The following GRIA3 variants were observed in gnomAD, a reference collection of about 807,000 sequenced individuals.
GRIA3 encodes glutamate ionotropic receptor AMPA type subunit 3.
Under a neutral mutation model 63.0 loss-of-function variants are expected in GRIA3, and 3 were observed. The ratio of observed to expected loss-of-function variants is 0.05; its 90% CI spans 0.02 to 0.12. The LOEUF is 0.12. GRIA3 is among the 10% of genes least tolerant of loss of function. GRIA3 has a pLI of 1.00. For synonymous variants in GRIA3, 274 were observed against 257.9 expected (o/e 1.06, Z -0.60); for missense variants, 347 against 700.9 (o/e 0.50, Z 5.70).
chrX:123,392,903 G>A (rs1022645602), intron 5 of GRIA3, among the ~76,000 whole-genome samples: 3 of 111,807 alleles, frequency 2.7e-5, no homozygotes, highest in African/African-American at 6.5e-5. Flanking sequence ...TGAGAATGGA[G>A]AGTTGGGTAA....
chrX:123,404,875 T>G lies in GRIA3; in HGVS notation c.1461T>G (p.Thr487=), dbSNP rs746416886. The change falls in exon 10 of 16, where the codon ACT becomes ACG. Residue 487 remains threonine (T), a synonymous_variant. Coordinates refer to ENST00000620443, the MANE Select transcript of GRIA3 (RefSeq NM_007325.5). ...AATATGGTGCAAGGGATCCAGAGAC[T>G]AAAATATGGAACGGCATGGTTGGGG... ...DGKYGARDPE[T]KIWNGMVGEL... The G allele has an allele frequency of 5.8e-6, 7 of 1,207,181 alleles. No individual in the cohort carries two copies. In the Admixed American group the frequency reaches 1.5e-4, roughly 26 times the overall value.
chrX:123,427,409 G>T (rs2045595395), intron 11 of GRIA3, among the ~76,000 whole-genome samples: 1 of 111,488 alleles, frequency 9.0e-6, no homozygotes, highest in Non-Finnish European at 1.9e-5. Context: ...AAGATCCTAG[G>T]TGATTTTAAT....
chrX:123,267,517 T>C (rs1358490767), intron 3 of GRIA3, among the ~76,000 whole-genome samples: 1 of 111,963 alleles, frequency 8.9e-6, no homozygotes, highest in Non-Finnish European at 1.9e-5. Flanking sequence ...TATAAATCAA[T>C]GGTATTTAGA....
At chrX:123,412,117 C>T (rs1024994761) in intron 10 of GRIA3, among the ~76,000 whole-genome samples, 2 of 112,034 alleles carry the variant, frequency 1.8e-5, no homozygotes, top group African/African-American at 6.5e-5. Flanking sequence ...GTGTGGGCCT[C>T]CTCAATCTTT....
intron 5 of GRIA3, among the ~76,000 whole-genome samples, chrX:123,381,102 C>T (rs985511857): frequency 9.0e-6 from 1 of 111,679 alleles, no homozygotes; most frequent in African/African-American, 3.3e-5. Context: ...AACTTCCATC[C>T]ATCTATCTAT....
chrX:123,334,983 T>G (rs2044965268), intron 4 of GRIA3, among the ~76,000 whole-genome samples: 1 of 109,546 alleles, frequency 9.1e-6, no homozygotes, highest in African/African-American at 3.3e-5. Context: ...GAAAAGGACA[T>G]GTCTTCCCTG....
chrX:123,246,447 T>A (rs1285298119), intron 2 of GRIA3, among the ~76,000 whole-genome samples: 1 of 111,645 alleles, frequency 9.0e-6, no homozygotes, highest in Non-Finnish European at 1.9e-5. Context: ...CCATATTTCT[T>A]GGCTTGTGGC....
At chrX:123,381,342 A>T (rs769011457) in intron 5 of GRIA3, among the ~76,000 whole-genome samples, 1 of 111,679 alleles carries the variant, frequency 9.0e-6, no homozygotes, top group South Asian at 3.8e-4. Context: ...CCTAACCTCC[A>T]TCTTCCTACC....
At chrX:123,380,999 GA>G (rs2045321164) in intron 5 of GRIA3, among the ~76,000 whole-genome samples, 1 of 111,087 alleles carries the variant, frequency 9.0e-6, no homozygotes, top group African/African-American at 3.3e-5. Flanking sequence ...TGTTTTAGAA[GA>G]AAAAAAGTTC....
At chrX:123,479,756 G>T (rs1227005710) in intron 13 of GRIA3, among the ~76,000 whole-genome samples, 2 of 112,064 alleles carry the variant, frequency 1.8e-5, no homozygotes, top group East Asian at 5.6e-4. Context: ...TGCCGCCGAC[G>T]ATTGTCACCT....
intron 14 of GRIA3, among the ~76,000 whole-genome samples, chrX:123,480,796 T>C (rs1442584940): frequency 8.9e-6 from 1 of 111,856 alleles, no homozygotes; most frequent in African/African-American, 3.3e-5. Context: ...TGAATCTCTG[T>C]ACGTAATACT....
intron 9 of GRIA3, 54 bp from the exon 10 acceptor site, chrX:123,404,654 T>C (rs1337059921): frequency 1.1e-6 from 1 of 904,215 alleles, no homozygotes; most frequent in East Asian, 3.1e-5. Flanking sequence ...GCATTTATCT[T>C]CTCTTAGAAA....
chrX:123,362,969 T>C (rs2045186612), intron 5 of GRIA3, among the ~76,000 whole-genome samples: 1 of 112,650 alleles, frequency 8.9e-6, no homozygotes, highest in Non-Finnish European at 1.9e-5. Flanking sequence ...TGTAATCAAG[T>C]ACTAATTTAT....
intron 3 of GRIA3, among the ~76,000 whole-genome samples, chrX:123,293,662 G>A (rs2044668891): frequency 9.1e-6 from 1 of 110,404 alleles, no homozygotes; most frequent in South Asian, 3.8e-4. Context: ...GTTGAGGGTA[G>A]AAGCAAAACG....
chrX:123,484,892 AT>A (rs2147448883), intron 15 of GRIA3, among the ~76,000 whole-genome samples: 1 of 112,663 alleles, frequency 8.9e-6, no homozygotes, highest in Non-Finnish European at 1.9e-5. Flanking sequence ...GGAAAACATA[AT>A]TTTGTCCAGT....
chrX:123,412,794 G>A (rs1238498563), intron 10 of GRIA3, among the ~76,000 whole-genome samples: 4 of 111,003 alleles, frequency 3.6e-5, no homozygotes, highest in Non-Finnish European at 7.5e-5. Flanking sequence ...TCTCCTTTTG[G>A]AGTCAGGTCT....
In GRIA3 at chrX:123,403,071, T is replaced by C. The variant is rs142692007; in HGVS notation, c.1158T>C (p.Tyr386=). Residue 386 remains tyrosine, a synonymous_variant, in exon 8 of 16, where the codon TAT becomes TAC. Coordinates refer to ENST00000620443, the MANE Select transcript of GRIA3 (RefSeq NM_007325.5). Reference sequence around the variant, plus strand: ...GGACAAATTATACCATCGATGTGTATGAAATGAAAGTCAGTGGCTCTCGAA... The same window carrying C: ...GGACAAATTATACCATCGATGTGTACGAAATGAAAGTCAGTGGCTCTCGAA... The part of the protein sequence containing the change: ...GRRTNYTIDV[Y]EMKVSGSRKA... 90 of 1,150,108 alleles carry C rather than the reference T, an allele frequency of 7.8e-5. No homozygotes were observed. Among genetic ancestry groups the C allele is most frequent in the Non-Finnish European group, 1.0e-4 (85 of 840,772 alleles). The allele number at this position is 1,150,108 out of a possible 1,213,427, so 94.8% of individuals were successfully genotyped here.
chrX:123,449,774 C>A (rs1259248432), intron 12 of GRIA3, among the ~76,000 whole-genome samples: 3 of 111,938 alleles, frequency 2.7e-5, no homozygotes, highest in African/African-American at 9.8e-5. Flanking sequence ...TGCCAAGCAT[C>A]TGTTGAGTTA....
intron 3 of GRIA3, among the ~76,000 whole-genome samples, chrX:123,274,517 C>T (rs576825783): frequency 1.8e-5 from 2 of 112,564 alleles, no homozygotes; most frequent in South Asian, 7.4e-4. Context: ...GAAAATAGAA[C>T]TAGTCCCATT....
Sources: allele counts gnomAD v4.1 joint callset (sites outside exome capture counted in the v4.1 genomes callset), GRCh38; gene constraint gnomAD v4.1.1; transcripts MANE v1.5; gene names NCBI Gene and HGNC (gene_info 2026-07-23, HGNC 2026-07-21).